The following CRIP2 variants were observed in gnomAD, a reference collection of about 807,000 sequenced individuals.
CRIP2 encodes the protein cysteine-rich protein 2.
In CRIP2, 31 loss-of-function variants were observed where a neutral mutation model predicts 31.3. The observed-to-expected ratio is 0.99, with a 90% CI of 0.74 to 1.34. The LOEUF (loss-of-function observed/expected upper bound fraction) is 1.34, where lower values mean the gene tolerates loss of function less well. Among genes scored for constraint, CRIP2 ranks in the 40% most tolerant of loss-of-function variants. The pLI is 0.00. For missense variants in CRIP2, 389 were observed against 301.6 expected, an observed-to-expected ratio of 1.29 and a Z score of -2.15; for synonymous variants, 177 against 127.2, an observed-to-expected ratio of 1.39 and a Z score of -2.63.
upstream of CRIP2, chr14:105,473,578 C>G: frequency 1.4e-6 from 2 of 1,480,974 alleles, no homozygotes; most frequent in Non-Finnish European, 9.0e-7. Flanking sequence ...AGTCAGCTGC[C>G]CCCATAGGGC....
Position 105,478,381 on chromosome 14 carries a change from CGGGCGG to C in CRIP2, c.138+31_138+36del. On this transcript the variant is annotated intron_variant, in intron 2 of 7. Transcript: ENST00000329146. This position sits in a 1 kb window ranked among gnomAD's most constrained non-coding sequence, Gnocchi z 4.9. The stretch of plus-strand genomic sequence containing the variant: ...CCGAGGTGAGCCCCACTGCGCGGCG[CGGGCGG>C]GGGCGGGGGTCGCGACTCCCGCCAC... The C allele has an allele frequency of 1.9e-6, 3 of 1,566,768 alleles. No homozygotes were observed. The highest frequency in any genetic ancestry group is 1.4e-5 in the African/African-American group (1 of 73,598).
intron 1 of CRIP2, chr14:105,476,772 T>A: frequency 1.0e-6 from 1 of 985,510 alleles, no homozygotes; most frequent in African/African-American, 1.7e-5. Context: ...AGTGGAGTGG[T>A]TCTGGTCAGA....
In CRIP2 at chr14:105,478,751, G is replaced by A. The variant is rs1366764259; in HGVS notation, c.217G>A (p.Gly73Ser). Residue 73 changes from glycine to serine, a missense_variant, in exon 4 of 8, where the codon GGC becomes AGC. Transcript: ENST00000329146. The surrounding 1 kb of genome is among the most constrained non-coding windows in gnomAD (Gnocchi z 4.9). ...CGCAGGCGTGAACATCGGGGGCGCG[G>A]GCTCCTACATCTACGAGAAGCCCCT... Reference protein sequence around the residue: ...GPKGVNIGGAGSYIYEKPLAE... With the variant: ...GPKGVNIGGASSYIYEKPLAE... 4.9e-6 allele frequency: 7 copies of A among 1,432,220 alleles called. No individual in the cohort carries two copies. In the African/African-American group the frequency reaches 7.3e-5, roughly 15 times the overall value. The allele number at this position is 1,432,220 out of a possible 1,614,324, so 88.7% of individuals were successfully genotyped here.
chr14:105,477,294 G>A (rs2083952875), intron 1 of CRIP2: 3 of 985,410 alleles, frequency 3.0e-6, no homozygotes, highest in Non-Finnish European at 3.6e-6. Flanking sequence ...AGAGGGTCCC[G>A]GACCCTCAGC....
In CRIP2 at chr14:105,479,933, C is replaced by T. The variant is rs2084056070; in HGVS notation, c.*280C>T. The T allele has an allele frequency of 4.0e-6, 2 of 501,532 alleles. No homozygotes were observed. The highest frequency in any genetic ancestry group is 7.3e-6 in the Non-Finnish European group (2 of 275,144). The allele number at this position is 501,532 out of a possible 1,614,324, so 31.1% of individuals were successfully genotyped here. ...TCCCAGCATTTTCCCGCCGACCCTG[C>T]GTGTCCCCGTGGCGCTGTCCGCTCT... On this transcript the variant is annotated 3_prime_UTR_variant, in exon 8 of 8. Transcript: ENST00000329146.
chr14:105,475,931 G>A, intron 1 of CRIP2: 2 of 985,524 alleles, frequency 2.0e-6, no homozygotes, highest in African/African-American at 1.7e-5. Flanking sequence ...ATGCGGCCAG[G>A]CTGCAGGGAA....
upstream of CRIP2, chr14:105,473,336 G>A (rs1415500314): frequency 2.2e-5 from 10 of 450,238 alleles, no homozygotes; most frequent in South Asian, 3.1e-5. Context: ...GCGGGGGGGC[G>A]GGGGGCATGT....
chr14:105,473,406 A>AG, upstream of CRIP2: 5 of 1,535,504 alleles, frequency 3.3e-6, no homozygotes, highest in Non-Finnish European at 4.4e-6. Context: ...GCAAGGGAGG[A>AG]GGGTGCTGCC....
rs2084054726 is a variant in CRIP2 at position 105,479,882 on chromosome 14, C to T, written c.*229C>T. The T allele has an allele frequency of 1.7e-5, 10 of 584,122 alleles. No individual in the cohort carries two copies. Among genetic ancestry groups the T allele is most frequent in the Non-Finnish European group, 2.5e-5 (8 of 326,424 alleles). The allele number at this position is 584,122 out of a possible 1,614,324, so 36.2% of individuals were successfully genotyped here. ...CGTCCCATGATCCCTTCTGTGTCTG[C>T]GTGTCCGAATCCCCGTGTGACCCTG... On this transcript the variant is annotated 3_prime_UTR_variant, in exon 8 of 8. Coordinates refer to ENST00000329146, the MANE Select transcript of CRIP2 (RefSeq NM_001312.4).
chr14:105,473,799 G>C (rs1388533087), upstream of CRIP2, among the ~76,000 whole-genome samples: 1 of 152,156 alleles, frequency 6.6e-6, no homozygotes, highest in Non-Finnish European at 1.5e-5. Flanking sequence ...AGGCCAGAGT[G>C]GGGGTGTGGG....
At chr14:105,473,136 G>A (rs1391717120), upstream of CRIP2, 3 of 1,296,334 alleles carry the variant, frequency 2.3e-6, no homozygotes, top group African/African-American at 2.9e-5. Flanking sequence ...AGCTGGAGAG[G>A]GTTTGGCAGT....
At chr14:105,476,599 C>T in intron 1 of CRIP2, 1 of 985,496 alleles carries the variant, frequency 1.0e-6, no homozygotes, top group Non-Finnish European at 1.2e-6. Context: ...GTTCCCTGCC[C>T]CCACTTGGCC....
upstream of CRIP2, chr14:105,474,701 C>A (rs1239848670): frequency 2.5e-5 from 23 of 933,674 alleles, no homozygotes; most frequent in Middle Eastern, 5.4e-4. This position sits in a 1 kb window ranked among gnomAD's most constrained non-coding sequence, Gnocchi z 5.1. Context: ...GCCCCCGCGG[C>A]GCCCCCAGGC....
In CRIP2 at chr14:105,478,837, G is replaced by A; in HGVS notation, c.303G>A (p.Arg101=). The change falls in exon 4 of 8, where the codon CGG becomes CGA. Residue 101 remains arginine, a synonymous_variant. Coordinates refer to ENST00000329146, the MANE Select transcript of CRIP2 (RefSeq NM_001312.4). This position sits in a 1 kb window ranked among gnomAD's most constrained non-coding sequence, Gnocchi z 4.9. ...IEVPAARAEE[R]KASGPPKGPS... is the part of the protein sequence containing the mutation. Reference sequence around the variant, plus strand: ...TCCCCGCGGCCCGAGCAGAGGAGCGGAAGGCGAGCGGCCCCCCGAAGGGGC... The same window carrying A: ...TCCCCGCGGCCCGAGCAGAGGAGCGAAAGGCGAGCGGCCCCCCGAAGGGGC... 1 of 1,428,384 alleles carries A rather than the reference G, an allele frequency of 7.0e-7. No individual in the cohort carries two copies. Among genetic ancestry groups the A allele is most frequent in the Non-Finnish European group, 9.1e-7 (1 of 1,101,660 alleles). The allele number at this position is 1,428,384 out of a possible 1,614,324, so 88.5% of individuals were successfully genotyped here.
upstream of CRIP2, among the ~76,000 whole-genome samples, chr14:105,473,792 CCA>C (rs1436885571): frequency 2.0e-5 from 3 of 152,108 alleles, no homozygotes; most frequent in Non-Finnish European, 2.9e-5. Context: ...TGGGAGGAGG[CCA>C]GAGTGGGGGT....
upstream of CRIP2, chr14:105,474,742 G>GC: frequency 9.5e-7 from 1 of 1,055,090 alleles, no homozygotes. This position sits in a 1 kb window ranked among gnomAD's most constrained non-coding sequence, Gnocchi z 5.1. Flanking sequence ...GGTTATCGAG[G>GC]CCCCGCCCCG....
intron 1 of CRIP2, among the ~76,000 whole-genome samples, chr14:105,475,115 C>T (rs1300300941): frequency 6.6e-6 from 1 of 152,092 alleles, no homozygotes; most frequent in East Asian, 1.9e-4. Context: ...CACGCCCGAA[C>T]CCCGAAGCGG....
Position 105,478,296 on chromosome 14 carries a change from G to T in CRIP2, c.74G>T (p.Trp25Leu). 6.4e-7 allele frequency: 1 copy of T among 1,572,372 alleles called. No homozygotes were observed. The highest frequency in any genetic ancestry group is 1.4e-5 in the African/African-American group (1 of 72,902). ...AEKVSSLGKD[W>L]HKFCLKCERC... is the part of the protein sequence containing the mutation. ...AAGGTGAGCTCCCTGGGGAAGGACTGGCACAAGTTCTGCCTCAAGTGCGAG... is the reference window on the plus strand; with the variant it reads ...AAGGTGAGCTCCCTGGGGAAGGACTTGCACAAGTTCTGCCTCAAGTGCGAG... The change falls in exon 2 of 8, where the codon TGG becomes TTG. Residue 25 changes from tryptophan (W) to leucine (L), a missense_variant. Physicochemically the swap from Trp to Leu is moderately conservative, Grantham distance 61. Coordinates refer to ENST00000329146, the MANE Select transcript of CRIP2 (RefSeq NM_001312.4). This position sits in a 1 kb window ranked among gnomAD's most constrained non-coding sequence, Gnocchi z 4.9.
intron 1 of CRIP2, chr14:105,476,709 C>G: frequency 1.0e-6 from 1 of 985,556 alleles, no homozygotes; most frequent in Non-Finnish European, 1.2e-6. Context: ...TGGGACACGC[C>G]TGCCCACCGT....
Sources: allele counts gnomAD v4.1 joint callset (sites outside exome capture counted in the v4.1 genomes callset), GRCh38; gene constraint gnomAD v4.1.1; non-coding constraint Gnocchi (gnomAD v3.1); transcripts MANE v1.5; gene names NCBI Gene and HGNC (gene_info 2026-07-23, HGNC 2026-07-21).